Variants in SRD5A2 observed in about 807,000 individuals in gnomAD.
SRD5A2 encodes the protein 3-oxo-5-alpha-steroid 4-dehydrogenase 2.
In SRD5A2, 30 loss-of-function variants were observed where a neutral mutation model predicts 27.4. The ratio of observed to expected loss-of-function variants is 1.10; its 90% CI spans 0.82 to 1.49. The LOEUF (loss-of-function observed/expected upper bound fraction) is 1.49, where lower values mean the gene tolerates loss of function less well. SRD5A2 is among the 40% of genes most tolerant of loss of function. The pLI, the probability that SRD5A2 is intolerant of heterozygous loss-of-function variation, is 0.00. For synonymous variants in SRD5A2, 141 were observed against 133.6 expected (o/e 1.06, Z -0.38); for missense variants, 348 against 323.4 (o/e 1.08, Z -0.58).
chr2:31,537,224 G>T lies in SRD5A2; in HGVS notation c.282-3458C>A, dbSNP rs921672382. On this transcript the variant is annotated intron_variant, in intron 1 of 4. Transcript: ENST00000622030. The stretch of plus-strand genomic sequence containing the variant: ...CTATAGATAAATACAAAGTTTCCAT[G>T]TATATATTTAACTGTTCTGTATAGT... Among the ~76,000 whole-genome samples the T allele has an allele frequency of 2.6e-5, 4 of 152,146 alleles. No homozygotes were observed. The East Asian group carries it at 5.8e-4, about 22-fold the overall frequency.
At chr2:31,616,519 G>C in the SRD5A2 span, among the ~76,000 whole-genome samples, 30 of 152,196 alleles carry the variant, frequency 2.0e-4, no homozygotes, top group Non-Finnish European at 8.8e-5. Flanking sequence ...AGCCAAAGAA[G>C]ATCGTTTCAG....
At chr2:31,589,274 C>A in the SRD5A2 span, among the ~76,000 whole-genome samples, 2 of 152,226 alleles carry the variant, frequency 1.3e-5, no homozygotes, top group African/African-American at 4.8e-5. Context: ...TAGCTGCCAG[C>A]CCCCGGGCCC....
Position 31,524,903 on chromosome 2 carries a change from A to G in SRD5A2, c.*1293T>C, listed in dbSNP as rs1665739370. 1 of 226,408 alleles carries G rather than the reference A, an allele frequency of 4.4e-6. No homozygotes were observed. Among genetic ancestry groups the G allele is most frequent in the South Asian group, 1.8e-4 (1 of 5,482 alleles). The allele number at this position is 226,408 out of a possible 1,614,324, so 14.0% of individuals were successfully genotyped here. A position where few individuals can be genotyped will look rare whatever the true frequency, so the allele number is the denominator to read the frequency against. ...CCCTTCACAAGAGTTTGCAAACTCA[A>G]ATGCTTACTAGCTACGTAGTTCCAG... On this transcript the variant is annotated 3_prime_UTR_variant, in exon 5 of 5. Transcript: ENST00000622030.
the SRD5A2 span, among the ~76,000 whole-genome samples, chr2:31,613,613 TC>T: frequency 6.6e-6 from 1 of 152,160 alleles, no homozygotes; most frequent in African/African-American, 2.4e-5. Flanking sequence ...TGGAAGTTCT[TC>T]AAAAAACTAA....
At position 31,548,099 on chromosome 2, in the gene SRD5A2, A is replaced by G. The variant is rs543016173; in HGVS notation, c.282-14333T>C. Reference sequence around the variant, plus strand: ...TACTATATAGAAAAATTAACTCAAAATTGATCAAAGACCTAAATATAAGAA... The same window carrying G: ...TACTATATAGAAAAATTAACTCAAAGTTGATCAAAGACCTAAATATAAGAA... On this transcript the variant is annotated intron_variant, in intron 1 of 4. Transcript: ENST00000622030. Among the ~76,000 whole-genome samples, 15 of 152,278 alleles carry G rather than the reference A, an allele frequency of 9.9e-5. No homozygotes were observed. In the South Asian group the frequency reaches 3.1e-3, roughly 32 times the overall value.
At chr2:31,541,213 GCA>G (rs1007877151) in intron 1 of SRD5A2, among the ~76,000 whole-genome samples, 9 of 151,982 alleles carry the variant, frequency 5.9e-5, no homozygotes, top group East Asian at 3.9e-4. Flanking sequence ...CTGATCCTTG[GCA>G]CAGAGACAGA....
the SRD5A2 span, among the ~76,000 whole-genome samples, chr2:31,595,489 C>T: frequency 6.6e-6 from 1 of 152,060 alleles, no homozygotes; most frequent in African/African-American, 2.4e-5. Flanking sequence ...ATACAACCCT[C>T]CCAGATTAAA....
At chr2:31,627,059 A>T in the SRD5A2 span, among the ~76,000 whole-genome samples, 2 of 152,124 alleles carry the variant, frequency 1.3e-5, no homozygotes, top group Admixed American at 1.3e-4. Context: ...CTATTCAGGG[A>T]TTCAACTTCT....
At chr2:31,620,817 A>C in the SRD5A2 span, among the ~76,000 whole-genome samples, 74 of 148,650 alleles carry the variant, frequency 5.0e-4, 2 homozygotes, top group Admixed American at 6.8e-5. Flanking sequence ...TATTTTATAT[A>C]TATTTATTTA....
rs376800454 is a variant in SRD5A2 at position 31,569,107 on chromosome 2, C to A, written c.281+11513G>T. On this transcript the variant is annotated intron_variant, in intron 1 of 4. Transcript: ENST00000622030. ...CAAGGAGCACTGGCCTTCTGCCCCA[C>A]CAACTTGGTAGGGGATGGGGCTCAT... Among the ~76,000 whole-genome samples the A allele has an allele frequency of 7.0e-4, 106 of 152,348 alleles. No individual in the cohort carries two copies. In the South Asian group the frequency reaches 0.021, roughly 30 times the overall value.
upstream of SRD5A2, chr2:31,581,087 G>T (rs933793329): frequency 1.6e-6 from 1 of 628,712 alleles, no homozygotes; most frequent in Admixed American, 3.1e-5. Context: ...CTTTCTCAAG[G>T]ATGCAGCCGC....
At chr2:31,601,039 C>A in the SRD5A2 span, among the ~76,000 whole-genome samples, 1 of 151,434 alleles carries the variant, frequency 6.6e-6, no homozygotes, top group Non-Finnish European at 1.5e-5. Context: ...GGAAGCAAAC[C>A]CCAAAGCTAG....
At chr2:31,572,790 T>G (rs1052702556) in intron 1 of SRD5A2, among the ~76,000 whole-genome samples, 1 of 152,156 alleles carries the variant, frequency 6.6e-6, no homozygotes, top group African/African-American at 2.4e-5. Context: ...AAAAAGATCT[T>G]GGGATGTTTC....
chr2:31,611,906 CA>C, the SRD5A2 span, among the ~76,000 whole-genome samples: 1 of 152,050 alleles, frequency 6.6e-6, no homozygotes, highest in African/African-American at 2.4e-5. Context: ...GGAAACTACT[CA>C]ACTATCTGAA....
chr2:31,636,405 T>C, the SRD5A2 span, among the ~76,000 whole-genome samples: 2 of 151,982 alleles, frequency 1.3e-5, no homozygotes, highest in Non-Finnish European at 2.9e-5. Context: ...TACTGAATTA[T>C]GAACAACTAT....
the SRD5A2 span, among the ~76,000 whole-genome samples, chr2:31,658,492 A>G: frequency 6.6e-6 from 1 of 152,002 alleles, no homozygotes; most frequent in South Asian, 2.1e-4. Context: ...AAAAGGAGAA[A>G]GAAGATCCAA....
At chr2:31,603,525 C>G in the SRD5A2 span, among the ~76,000 whole-genome samples, 1 of 152,042 alleles carries the variant, frequency 6.6e-6, no homozygotes, top group Admixed American at 6.6e-5. Flanking sequence ...CCATTTGACC[C>G]AGTAATTCCA....
At chr2:31,644,658 C>T in the SRD5A2 span, among the ~76,000 whole-genome samples, 3 of 152,102 alleles carry the variant, frequency 2.0e-5, no homozygotes, top group African/African-American at 4.8e-5. Flanking sequence ...GGTCAGGACC[C>T]GTACCAGTCC....
At chr2:31,572,095 G>A (rs931890450) in intron 1 of SRD5A2, among the ~76,000 whole-genome samples, 85 of 152,246 alleles carry the variant, frequency 5.6e-4, no homozygotes, top group African/African-American at 2.0e-3. Flanking sequence ...TCCATCAATG[G>A]TGGACTGGAT....
Sources: allele counts gnomAD v4.1 joint callset (sites outside exome capture counted in the v4.1 genomes callset), GRCh38; gene constraint gnomAD v4.1.1; transcripts MANE v1.5; gene names NCBI Gene and HGNC (gene_info 2026-07-23, HGNC 2026-07-21).